Variants in MPZL3 observed in about 807,000 individuals in gnomAD.
MPZL3 encodes myelin protein zero like 3.
MPZL3 carries 23 observed loss-of-function variants against 24.8 expected under a neutral mutation model. The observed-to-expected ratio is 0.93, with a 90% confidence interval of 0.67 to 1.31. MPZL3 has a LOEUF of 1.31. Among genes scored for constraint, MPZL3 ranks in the 40% most tolerant of loss-of-function variants. MPZL3 has a pLI of 0.00. For missense variants in MPZL3, 277 were observed against 294.9 expected (o/e 0.94, Z 0.44); for synonymous variants, 99 against 106.5 (o/e 0.93, Z 0.44).
chr11:118,235,259 T>C (rs1056247490), intron 4 of MPZL3, among the ~76,000 whole-genome samples, 165 bp downstream of exon 4: 1 of 152,214 alleles, frequency 6.6e-6, no homozygotes, highest in Non-Finnish European at 1.5e-5. Context: ...CACATCACTT[T>C]CAACCTTCCT....
Position 118,233,604 on chromosome 11 carries a change from C to T in MPZL3, c.618-81G>A, listed in dbSNP as rs57738691. On this transcript the variant is annotated intron_variant, in intron 4 of 5. Coordinates refer to ENST00000278949, the MANE Select transcript of MPZL3 (RefSeq NM_198275.3). ...CAGTTGAAAGTACAGGTGTTGAAAT[C>T]AGACAGGTCTGGTTTTAGATTCCAG... 9.1e-3 allele frequency: 13,092 copies of T among 1,437,470 alleles called. 929 individuals carry two copies. In the African/African-American group the frequency reaches 0.15, roughly 17 times the overall value. The allele number at this position is 1,437,470 out of a possible 1,614,324, so 89.0% of individuals were successfully genotyped here. A position where few individuals can be genotyped will look rare whatever the true frequency, so the allele number is the denominator to read the frequency against.
intron 2 of MPZL3, among the ~76,000 whole-genome samples, chr11:118,238,663 T>G (rs1218126891): frequency 6.6e-6 from 1 of 152,244 alleles, no homozygotes. Context: ...CACTTATTCA[T>G]TCATTTGTTC....
Position 118,252,210 on chromosome 11 carries a change from C to T in MPZL3, c.73+12G>A, listed in dbSNP as rs542473787. On this transcript the variant is annotated intron_variant, in intron 1 of 5. Coordinates refer to ENST00000278949, the MANE Select transcript of MPZL3 (RefSeq NM_198275.3). Reference sequence around the variant, plus strand: ...CGGCCGGAAGTGGAGCGTAGCCAGCCGGAGCACTCACCCTGGAAGAACAGG... The same window carrying T: ...CGGCCGGAAGTGGAGCGTAGCCAGCTGGAGCACTCACCCTGGAAGAACAGG... 6.4e-5 allele frequency: 104 copies of T among 1,613,314 alleles called. No individual in the cohort carries two copies. The South Asian group carries it at 1.1e-3, about 17-fold the overall frequency.
chr11:118,248,070 CTT>C lies in MPZL3; in HGVS notation c.73+4150_73+4151del, dbSNP rs60335848. ...AACTAGACCAAACCAACAGTTTCCT[CTT>C]TTTTTTTTTTTTTTTTTTTTTGAGA... On this transcript the variant is annotated intron_variant, in intron 1 of 5. Coordinates refer to ENST00000278949, the MANE Select transcript of MPZL3 (RefSeq NM_198275.3). Among the ~76,000 whole-genome samples the C allele has an allele frequency of 8.5e-3, 838 of 98,928 alleles. 1 individual carries two copies. Among genetic ancestry groups the C allele is most frequent in the South Asian group, 0.02 (46 of 2,342 alleles). 64.9% of individuals were successfully genotyped at this position (98,928 alleles called of 152,430 possible).
rs1491135921 is a variant in MPZL3 at position 118,251,118 on chromosome 11, T to TGTGTGA, written c.73+1103_73+1104insTCACAC. Reference sequence around the variant, plus strand: ...GTGTGTGTGTGTGTGTGTGTGTGTGTGAAAGAGAGAGAGAGAGGACTGGGT... The same window carrying TGTGTGA: ...GTGTGTGTGTGTGTGTGTGTGTGTGTGTGTGAGAAAGAGAGAGAGAGAGGACTGGGT... On this transcript the variant is annotated intron_variant, in intron 1 of 5. Coordinates refer to ENST00000278949, the MANE Select transcript of MPZL3 (RefSeq NM_198275.3). 4.7e-3 allele frequency among the ~76,000 whole-genome samples: 613 copies of TGTGTGA among 129,776 alleles called. 17 individuals are homozygous for TGTGTGA. Among genetic ancestry groups the TGTGTGA allele is most frequent in the African/African-American group, 0.016 (577 of 35,312 alleles). The allele number at this position is 129,776 out of a possible 152,430, so 85.1% of individuals were successfully genotyped here. A position where few individuals can be genotyped will look rare whatever the true frequency, so the allele number is the denominator to read the frequency against.
intron 5 of MPZL3, among the ~76,000 whole-genome samples, chr11:118,231,390 C>T (rs569290545): frequency 1.3e-5 from 2 of 152,254 alleles, no homozygotes; most frequent in East Asian, 1.9e-4. Flanking sequence ...ATCTCCCCAT[C>T]CTAGAAATCT....
At position 118,235,420 on chromosome 11, in the gene MPZL3, T is replaced by A. The variant is rs1949410210; in HGVS notation, c.617+4A>T. 3 of 1,613,240 alleles carry A rather than the reference T, an allele frequency of 1.9e-6. No homozygotes were observed. Among genetic ancestry groups the A allele is most frequent in the Admixed American group, 1.7e-5 (1 of 59,974 alleles). On this transcript the variant is annotated splice_donor_region_variant and intron_variant, in intron 4 of 5. Coordinates refer to ENST00000278949, the MANE Select transcript of MPZL3 (RefSeq NM_198275.3). ...TTGCTGCCCAGGGCTCCTGCTGGAC[T>A]TACTCATCGGAAACCTCAATAGATG...
chr11:118,245,782 G>A (rs1020151702), intron 1 of MPZL3, among the ~76,000 whole-genome samples: 6 of 152,090 alleles, frequency 3.9e-5, no homozygotes, highest in Non-Finnish European at 7.4e-5. Context: ...GACATCCAGT[G>A]GTCTTTTGGT....
intron 1 of MPZL3, 34 bp from the exon 2 acceptor site, chr11:118,240,411 T>C (rs1160674259): frequency 6.3e-7 from 1 of 1,576,152 alleles, no homozygotes; most frequent in Non-Finnish European, 8.6e-7. Context: ...TTAAAATGCA[T>C]TCATGTGGGT....
intron 1 of MPZL3, among the ~76,000 whole-genome samples, chr11:118,250,370 G>A (rs1357214167): frequency 1.3e-5 from 2 of 151,954 alleles, no homozygotes; most frequent in African/African-American, 4.8e-5. Flanking sequence ...TAGACTGGTG[G>A]TTGCCAGGGG....
intron 1 of MPZL3, among the ~76,000 whole-genome samples, chr11:118,248,429 T>C (rs1332945615): frequency 6.6e-6 from 1 of 152,190 alleles, no homozygotes; most frequent in Non-Finnish European, 1.5e-5. Context: ...TGCTAAATTA[T>C]AGTAAGTACG....
In MPZL3 at chr11:118,233,303, C is replaced by T. The variant is rs925935758; in HGVS notation, c.681+157G>A. Reference sequence around the variant, plus strand: ...TCTTGGTTAGAATTGGTAGGGGTCCCCTGAGTCCAAAATGCTTTGGGGAAA... The same window carrying T: ...TCTTGGTTAGAATTGGTAGGGGTCCTCTGAGTCCAAAATGCTTTGGGGAAA... On this transcript the variant is annotated intron_variant, in intron 5 of 5. Transcript: ENST00000278949. Among the ~76,000 whole-genome samples, 13 of 152,068 alleles carry T rather than the reference C, an allele frequency of 8.5e-5. 1 individual carries two copies. Among genetic ancestry groups the T allele is most frequent in the Non-Finnish European group, 1.8e-4 (12 of 68,012 alleles).
chr11:118,240,443 A>G (rs1949480198), intron 1 of MPZL3, 66 bp from the exon 2 acceptor site: 3 of 1,486,710 alleles, frequency 2.0e-6, no homozygotes, highest in Admixed American at 2.6e-5. Flanking sequence ...ATGTGAGTGA[A>G]CAATTATTTT....
chr11:118,244,811 T>C (rs2368242), intron 1 of MPZL3, among the ~76,000 whole-genome samples: 62,094 of 152,120 alleles, frequency 0.41, 14,881 homozygotes, highest in South Asian at 0.72. Flanking sequence ...GCGCGGTGGC[T>C]CACGCCTGTA....
At chr11:118,231,342 C>G (rs751728998) in intron 5 of MPZL3, among the ~76,000 whole-genome samples, 9 of 152,196 alleles carry the variant, frequency 5.9e-5, no homozygotes, top group Non-Finnish European at 1.3e-4. Flanking sequence ...ATCTCACTAG[C>G]CGCTCTTTCT....
intron 2 of MPZL3, among the ~76,000 whole-genome samples, chr11:118,239,771 C>T (rs527608669): frequency 1.1e-4 from 17 of 152,224 alleles, no homozygotes; most frequent in African/African-American, 2.2e-4. Context: ...CTCCACAAAG[C>T]GCAAATATGC....
rs1274203233 is a variant in MPZL3, at chr11:118,228,396, T to C, written c.*1498A>G. 6.6e-6 allele frequency: 1 copy of C among 152,212 alleles called. No homozygotes were observed. Among genetic ancestry groups the C allele is most frequent in the African/African-American group, 2.4e-5 (1 of 41,442 alleles). 9.4% of individuals were successfully genotyped at this position (152,212 alleles called of 1,614,324 possible). On this transcript the variant is annotated 3_prime_UTR_variant, in exon 6 of 6. Coordinates refer to ENST00000278949, the MANE Select transcript of MPZL3 (RefSeq NM_198275.3). ...CAGGTGAGGGGATAATTTTTGTCTCTCATAATTGAGAAGTAAATCCAATCA... is the reference window on the plus strand; with the variant it reads ...CAGGTGAGGGGATAATTTTTGTCTCCCATAATTGAGAAGTAAATCCAATCA...
intron 1 of MPZL3, among the ~76,000 whole-genome samples, chr11:118,242,497 C>A (rs755754571): frequency 6.6e-6 from 1 of 152,144 alleles, no homozygotes; most frequent in Non-Finnish European, 1.5e-5. Flanking sequence ...GGCAATCTAG[C>A]CCTAAACTTC....
At chr11:118,233,226 C>T (rs145707255) in intron 5 of MPZL3, among the ~76,000 whole-genome samples, 16 of 152,182 alleles carry the variant, frequency 1.1e-4, no homozygotes, top group Non-Finnish European at 1.8e-4. Flanking sequence ...CTACGTGGCC[C>T]CCTTCCCTAA....
Sources: gnomAD v4.1 joint callset for allele counts (sites outside exome capture counted in the v4.1 genomes callset) on GRCh38, gnomAD v4.1.1 for gene constraint, MANE v1.5 for transcripts, NCBI Gene and HGNC (gene_info 2026-07-23, HGNC 2026-07-21) for gene names.